UTRN: variants seen among roughly 807,000 people sequenced by gnomAD.
UTRN encodes utrophin, also known as dystrophin-related protein 1.
In UTRN, 283 loss-of-function variants were observed where a neutral mutation model predicts 463.9. The ratio of observed to expected loss-of-function variants is 0.61; its 90% CI spans 0.55 to 0.67. The LOEUF (loss-of-function observed/expected upper bound fraction) is 0.67, where lower values mean the gene tolerates loss of function less well. UTRN is among the 30% of genes least tolerant of loss of function. The probability of loss-of-function intolerance (pLI) is 0.00; values close to 1 mark genes in which losing one functional copy is unlikely to be tolerated. For missense variants in UTRN, 3,922 were observed against 4,084.3 expected, an observed-to-expected ratio of 0.96 and a Z score of 1.08; for synonymous variants, 1,442 against 1,431.5, an observed-to-expected ratio of 1.01 and a Z score of -0.17.
intron 23 of UTRN, among the ~76,000 whole-genome samples, chr6:144,463,500 G>A (rs983563940): frequency 1.3e-5 from 2 of 152,102 alleles, no homozygotes; most frequent in Non-Finnish European, 2.9e-5. Flanking sequence ...GAAAGATGGA[G>A]AAGCAGAGTT....
In UTRN at chr6:144,757,949, C is replaced by A; in HGVS notation, c.8455C>A (p.Gln2819Lys). 6.2e-7 allele frequency: 1 copy of A among 1,610,948 alleles called. No homozygotes were observed. The highest frequency in any genetic ancestry group is 8.5e-7 in the Non-Finnish European group (1 of 1,178,200). Reference sequence around the variant, plus strand: ...CTCAGCGTCAGTCCAGCTGCCGTGGCAAAGATCCATTTCACATAATAAAGT... The same window carrying A: ...CTCAGCGTCAGTCCAGCTGCCGTGGAAAAGATCCATTTCACATAATAAAGT... ...FLSTSVQLPW[Q>K]RSISHNKVPY... is the part of the protein sequence containing the mutation. Residue 2819 changes from glutamine to lysine, a missense_variant, in exon 58 of 75, where the codon CAA becomes AAA. By Grantham distance (53) the Gln-to-Lys change is moderately conservative (BLOSUM62 1). Coordinates refer to ENST00000367545, the MANE Select transcript of UTRN (RefSeq NM_007124.3).
At chr6:144,473,903 A>G (rs1790924332) in intron 24 of UTRN, 70 bp downstream of exon 24, 3 of 1,103,108 alleles carry the variant, frequency 2.7e-6, no homozygotes, top group African/African-American at 3.1e-5. Flanking sequence ...ATTTGCTGCT[A>G]TTATTAAAAT....
At position 144,436,029 on chromosome 6, in the gene UTRN, C is replaced by T. The variant is rs114803478; in HGVS notation, c.950C>T (p.Ala317Val). Residue 317 changes from alanine to valine, a missense_variant, in exon 10 of 75, where the codon GCG (alanine) becomes GTG (valine). Ala to Val is a moderately conservative substitution (Grantham distance 64). Coordinates refer to ENST00000367545, the MANE Select transcript of UTRN (RefSeq NM_007124.3). Reference sequence around the variant, plus strand: ...ATGGATCTGGACAGCTATCAGATTGCGTTGGAGGAAGTGCTGACCTGGTTG... The same window carrying T: ...ATGGATCTGGACAGCTATCAGATTGTGTTGGAGGAAGTGCTGACCTGGTTG... ...VDMDLDSYQIALEEVLTWLLS... is the reference protein window; with the variant it reads ...VDMDLDSYQIVLEEVLTWLLS... The T allele has an allele frequency of 3.3e-5, 53 of 1,614,196 alleles. No individual in the cohort carries two copies. The highest frequency in any genetic ancestry group is 1.6e-4 in the Middle Eastern group (1 of 6,062).
At chr6:144,701,465 G>T (rs1479775107) in intron 53 of UTRN, among the ~76,000 whole-genome samples, 1 of 152,036 alleles carries the variant, frequency 6.6e-6, no homozygotes. Flanking sequence ...CTTTTACTCT[G>T]ATCAGCCAAA....
chr6:144,655,960 G>A (rs1779269374), intron 51 of UTRN, among the ~76,000 whole-genome samples: 1 of 152,036 alleles, frequency 6.6e-6, no homozygotes, highest in African/African-American at 2.4e-5. Context: ...ATTGGAATGT[G>A]GTTTTTATTA....
chr6:144,648,316 G>C (rs1288836013), intron 51 of UTRN, among the ~76,000 whole-genome samples: 1 of 152,082 alleles, frequency 6.6e-6, no homozygotes, highest in Non-Finnish European at 1.5e-5. Context: ...TCCATTTCTT[G>C]TTTGGTTGGG....
intron 2 of UTRN, among the ~76,000 whole-genome samples, chr6:144,380,663 A>G (rs1780831528): frequency 6.6e-6 from 1 of 151,912 alleles, no homozygotes; most frequent in Non-Finnish European, 1.5e-5. Context: ...TTTTTTTAAA[A>G]TATTAGCTGG....
chr6:144,793,260 A>G (rs941432634), intron 62 of UTRN, among the ~76,000 whole-genome samples: 52 of 152,034 alleles, frequency 3.4e-4, no homozygotes, highest in African/African-American at 1.3e-3. Context: ...TATTTAAGGT[A>G]CGTTTATTCC....
chr6:144,459,860 G>A (rs1186994142), intron 21 of UTRN, among the ~76,000 whole-genome samples: 1 of 152,092 alleles, frequency 6.6e-6, no homozygotes, highest in Non-Finnish European at 1.5e-5. Flanking sequence ...AAAATAACAG[G>A]TGTAAGCCAT....
At chr6:144,521,916 A>G (rs555628371) in intron 39 of UTRN, 64 bp from the exon 40 acceptor site, 1 of 1,037,354 alleles carries the variant, frequency 9.6e-7, no homozygotes, top group African/African-American at 1.7e-5. Flanking sequence ...GTTATTATTC[A>G]TTGTGGGGGT....
intron 2 of UTRN, among the ~76,000 whole-genome samples, chr6:144,391,313 C>A (rs1562333011): frequency 6.6e-6 from 1 of 152,160 alleles, no homozygotes; most frequent in Non-Finnish European, 1.5e-5. Context: ...CTCAAGAGAT[C>A]CTTCCTGGAG....
At chr6:144,774,217 C>G (rs1775104946) in intron 59 of UTRN, 73 bp from the exon 60 acceptor site, 1 of 1,373,636 alleles carries the variant, frequency 7.3e-7, no homozygotes, top group Admixed American at 2.5e-5. Context: ...CCAAAGTAAC[C>G]AAATACATTC....
At chr6:144,700,406 T>C (rs1784464748) in intron 53 of UTRN, among the ~76,000 whole-genome samples, 163 bp downstream of exon 53, 1 of 151,638 alleles carries the variant, frequency 6.6e-6, no homozygotes, top group South Asian at 2.1e-4. Context: ...AGTGCATACA[T>C]TGTTTCCATT....
chr6:144,631,986 A>T (rs745503275), intron 51 of UTRN, among the ~76,000 whole-genome samples: 6 of 152,226 alleles, frequency 3.9e-5, no homozygotes, highest in Non-Finnish European at 8.8e-5. Flanking sequence ...TCTTTCAGAT[A>T]CCTTGGCTTG....
chr6:144,290,175 C>A (rs1024025942), intron 1 of UTRN, among the ~76,000 whole-genome samples: 1 of 152,156 alleles, frequency 6.6e-6, no homozygotes, highest in Non-Finnish European at 1.5e-5. Context: ...TGCAACAATA[C>A]CATAATTAAT....
chr6:144,826,453 A>G (rs1474630497), intron 66 of UTRN, among the ~76,000 whole-genome samples: 3 of 152,098 alleles, frequency 2.0e-5, no homozygotes, highest in South Asian at 2.1e-4. Context: ...TTTTCTTTGT[A>G]CTGTAAATGT....
chr6:144,322,231 G>T (rs1775704541), intron 2 of UTRN, among the ~76,000 whole-genome samples: 2 of 152,120 alleles, frequency 1.3e-5, no homozygotes, highest in South Asian at 4.2e-4. Context: ...GTTTACCTTG[G>T]ATGGATGTTT....
intron 2 of UTRN, among the ~76,000 whole-genome samples, chr6:144,390,571 T>TA (rs1303001880): frequency 6.6e-6 from 1 of 152,188 alleles, no homozygotes; most frequent in Non-Finnish European, 1.5e-5. Context: ...ACAGCTCTGA[T>TA]AAAAAACCAC....
chr6:144,666,785 C>T (rs1226882996), intron 51 of UTRN, among the ~76,000 whole-genome samples: 1 of 152,118 alleles, frequency 6.6e-6, no homozygotes, highest in African/African-American at 2.4e-5. Flanking sequence ...TCACTGGTAG[C>T]ACAGTTAAAG....
Sources: allele counts gnomAD v4.1 joint callset (sites outside exome capture counted in the v4.1 genomes callset), GRCh38; gene constraint gnomAD v4.1.1; transcripts MANE v1.5; gene names NCBI Gene and HGNC (gene_info 2026-07-23, HGNC 2026-07-21).